SPAG16: variants seen among roughly 807,000 people sequenced by gnomAD.
SPAG16 encodes the protein sperm associated antigen 16.
SPAG16 carries 86 observed loss-of-function variants against 80.4 expected under a neutral mutation model. The ratio of observed to expected loss-of-function variants is 1.07; its 90% CI spans 0.90 to 1.28. The LOEUF (loss-of-function observed/expected upper bound fraction) is 1.28, where lower values mean the gene tolerates loss of function less well. Among genes scored for constraint, SPAG16 ranks in the 50% most tolerant of loss-of-function variants. The probability of loss-of-function intolerance (pLI) is 0.00; values close to 1 mark genes in which losing one functional copy is unlikely to be tolerated. For missense variants in SPAG16, 870 were observed against 765.3 expected (o/e 1.14, Z -1.61); for synonymous variants, 294 against 265.9 (o/e 1.11, Z -1.03).
At chr2:213,868,301 G>A (rs534862010) in intron 11 of SPAG16, among the ~76,000 whole-genome samples, 1 of 151,396 alleles carries the variant, frequency 6.6e-6, no homozygotes, top group South Asian at 2.1e-4. Context: ...AAACAAACTT[G>A]GCCAGAAACA....
chr2:214,146,937 C>A (rs2055672207), intron 14 of SPAG16, among the ~76,000 whole-genome samples: 1 of 150,370 alleles, frequency 6.7e-6, no homozygotes, highest in Non-Finnish European at 1.5e-5. Context: ...GGGAGACGGA[C>A]ATTGCAGTGA....
intron 10 of SPAG16, among the ~76,000 whole-genome samples, chr2:213,625,607 C>T (rs1159130392): frequency 3.3e-5 from 5 of 151,950 alleles, no homozygotes; most frequent in Admixed American, 1.3e-4. Context: ...GAAATCCTAC[C>T]TTTCCCAAGA....
intron 10 of SPAG16, among the ~76,000 whole-genome samples, chr2:213,561,782 G>A (rs2059604723): frequency 1.3e-5 from 2 of 151,992 alleles, no homozygotes; most frequent in Admixed American, 1.3e-4. Flanking sequence ...ATCAAAAAAT[G>A]CCTTTTGTTG....
intron 10 of SPAG16, among the ~76,000 whole-genome samples, chr2:213,742,136 A>T (rs1575003774): frequency 1.3e-5 from 2 of 148,332 alleles, no homozygotes; most frequent in Non-Finnish European, 1.5e-5. Context: ...TGTGTTTAGT[A>T]TTTTTTTTTT....
chr2:213,573,068 G>C (rs2059979869), intron 10 of SPAG16, among the ~76,000 whole-genome samples: 1 of 152,148 alleles, frequency 6.6e-6, no homozygotes, highest in Non-Finnish European at 1.5e-5. Context: ...CGCTTCCCAG[G>C]TGAGGCAATG....
chr2:214,198,633 A>C (rs2057915908), intron 15 of SPAG16, among the ~76,000 whole-genome samples: 1 of 152,032 alleles, frequency 6.6e-6, no homozygotes, highest in Non-Finnish European at 1.5e-5. Context: ...CAATTGCTGG[A>C]TCGAATGGTA....
intron 10 of SPAG16, among the ~76,000 whole-genome samples, chr2:213,713,992 G>A (rs767697659): frequency 9.9e-5 from 15 of 152,054 alleles, no homozygotes; most frequent in Non-Finnish European, 2.1e-4. Context: ...TCTATAACAT[G>A]AGAAAAAAAG....
chr2:214,164,342 T>G (rs1023198938), intron 15 of SPAG16, among the ~76,000 whole-genome samples: 13 of 152,104 alleles, frequency 8.5e-5, no homozygotes, highest in African/African-American at 3.1e-4. Context: ...AATATTACTT[T>G]AGAAAGGATG....
At chr2:214,008,119 C>A (rs1349974210) in intron 12 of SPAG16, among the ~76,000 whole-genome samples, 1 of 151,918 alleles carries the variant, frequency 6.6e-6, no homozygotes, top group Non-Finnish European at 1.5e-5. Flanking sequence ...TCTTTTCATT[C>A]TCACTACTAT....
At chr2:213,607,252 A>G (rs1179322826) in intron 10 of SPAG16, among the ~76,000 whole-genome samples, 1 of 152,360 alleles carries the variant, frequency 6.6e-6, no homozygotes, top group East Asian at 1.9e-4. Context: ...AACTATGAAT[A>G]CATACTGTAG....
chr2:213,932,189 TA>T (rs2078788330), intron 12 of SPAG16, among the ~76,000 whole-genome samples: 7 of 25,472 alleles, frequency 2.7e-4, no homozygotes, highest in African/African-American at 4.8e-4. Context: ...TATATATATA[TA>T]TATATATATT....
At chr2:213,994,042 T>C (rs886428287) in intron 12 of SPAG16, among the ~76,000 whole-genome samples, 6 of 152,220 alleles carry the variant, frequency 3.9e-5, no homozygotes, top group Non-Finnish European at 8.8e-5. Flanking sequence ...CGATTTGTGA[T>C]ACAAAAACCA....
intron 15 of SPAG16, among the ~76,000 whole-genome samples, chr2:214,337,544 T>G (rs1461413412): frequency 6.6e-6 from 1 of 152,338 alleles, no homozygotes; most frequent in East Asian, 1.9e-4. Flanking sequence ...GATATAATGT[T>G]GTTTGGGCCC....
intron 11 of SPAG16, among the ~76,000 whole-genome samples, chr2:213,925,278 T>C (rs918471348): frequency 8.5e-5 from 13 of 152,302 alleles, no homozygotes; most frequent in African/African-American, 2.9e-4. Context: ...CCCTAAAATA[T>C]ATCCTTAGTA....
chr2:213,416,894 A>G lies in SPAG16; in HGVS notation c.942+41775A>G, dbSNP rs180760061. On this transcript the variant is annotated intron_variant, in intron 9 of 15. Coordinates refer to ENST00000331683, the MANE Select transcript of SPAG16 (RefSeq NM_024532.5). Reference sequence around the variant, plus strand: ...GAGCAAGGGAAAAGGATTAGGCCAGAGCCTTTACTGAGGTTTCCACAGGAA... The same window carrying G: ...GAGCAAGGGAAAAGGATTAGGCCAGGGCCTTTACTGAGGTTTCCACAGGAA... Among the ~76,000 whole-genome samples the G allele has an allele frequency of 1.9e-3, 283 of 152,358 alleles. 1 individual carries two copies. Among genetic ancestry groups the G allele is most frequent in the Middle Eastern group, 3.4e-3 (1 of 294 alleles).
At chr2:213,439,061 T>C (rs995398035) in intron 9 of SPAG16, among the ~76,000 whole-genome samples, 1 of 152,122 alleles carries the variant, frequency 6.6e-6, no homozygotes, top group East Asian at 1.9e-4. Context: ...GAGACTCAGA[T>C]GAGAATTGCA....
At chr2:213,927,985 AC>A (rs2078565015) in intron 11 of SPAG16, among the ~76,000 whole-genome samples, 2 of 152,226 alleles carry the variant, frequency 1.3e-5, no homozygotes, top group South Asian at 2.1e-4. Context: ...ATATGTGCAA[AC>A]CAACTATTGT....
At chr2:214,359,749 A>G (rs1471240098) in intron 15 of SPAG16, among the ~76,000 whole-genome samples, 1 of 152,022 alleles carries the variant, frequency 6.6e-6, no homozygotes, top group Non-Finnish European at 1.5e-5. Context: ...TAAAGAATTA[A>G]TTAAATGTAT....
At chr2:213,292,538 C>T (rs1039664898) in intron 1 of SPAG16, among the ~76,000 whole-genome samples, 3 of 149,850 alleles carry the variant, frequency 2.0e-5, no homozygotes, top group African/African-American at 7.4e-5. Context: ...GTGGCGGGCG[C>T]CTGTAGTCCC....
Sources: allele counts gnomAD v4.1 joint callset (sites outside exome capture counted in the v4.1 genomes callset), GRCh38; gene constraint gnomAD v4.1.1; transcripts MANE v1.5; gene names NCBI Gene and HGNC (gene_info 2026-07-23, HGNC 2026-07-21).